Variants in SEMA3D observed in about 807,000 individuals in gnomAD.
The protein encoded by SEMA3D is semaphorin 3D, also known as semaphorin-3D.
A neutral mutation model predicts 100.1 loss-of-function variants in SEMA3D; 84 were observed. That is an observed-to-expected ratio of 0.84 (90% confidence interval 0.70 to 1.01). SEMA3D has a LOEUF of 1.01. Ranked by LOEUF, SEMA3D falls within the 50% of genes least tolerant of loss-of-function variation. SEMA3D has a pLI of 0.00. For missense variants in SEMA3D, 875 were observed against 934.1 expected, an observed-to-expected ratio of 0.94 and a Z score of 0.82; for synonymous variants, 312 against 320.7, an observed-to-expected ratio of 0.97 and a Z score of 0.29.
intron 6 of SEMA3D, among the ~76,000 whole-genome samples, chr7:85,068,790 G>A (rs1791695582): frequency 1.3e-5 from 2 of 152,026 alleles, no homozygotes; most frequent in African/African-American, 4.8e-5. Context: ...AGTGTTCTAA[G>A]GCGGGCAGTT....
In SEMA3D at chr7:85,028,365, C is replaced by T. The variant is rs937376726; in HGVS notation, c.1192-5752G>A. 2.0e-5 allele frequency: 10 copies of T among 508,324 alleles called. No individual in the cohort carries two copies. In the African/African-American group the frequency reaches 2.3e-4, roughly 12 times the overall value. The allele number at this position is 508,324 out of a possible 1,614,324, so 31.5% of individuals were successfully genotyped here. On this transcript the variant is annotated intron_variant, in intron 12 of 18. Transcript: ENST00000284136. ...ATTATCAATGTGCCAATTGTCGCTG[C>T]TATTGCTTACAGTTTAGACAAAAAA...
intron 7 of SEMA3D, among the ~76,000 whole-genome samples, chr7:85,065,909 C>A (rs1562803289): frequency 6.6e-6 from 1 of 151,988 alleles, no homozygotes; most frequent in African/African-American, 2.4e-5. Flanking sequence ...GAATAAGACA[C>A]AAAAAATATG....
intron 5 of SEMA3D, among the ~76,000 whole-genome samples, chr7:85,074,639 T>A (rs12540299): frequency 0.28 from 38,031 of 136,406 alleles, 5,415 homozygotes; most frequent in East Asian, 0.64. Context: ...ATATATATAT[T>A]TTTTTTTTTT....
At chr7:85,229,266 C>T in the SEMA3D span, among the ~76,000 whole-genome samples, 2 of 151,932 alleles carry the variant, frequency 1.3e-5, no homozygotes, top group African/African-American at 4.8e-5. Flanking sequence ...GTCTTAGATT[C>T]TGATATCATC....
At chr7:85,082,264 G>A (rs1037246698) in intron 4 of SEMA3D, among the ~76,000 whole-genome samples, 5 of 152,014 alleles carry the variant, frequency 3.3e-5, no homozygotes, top group Non-Finnish European at 7.4e-5. Flanking sequence ...CTCTTGAACT[G>A]GGGGGGTCTC....
chr7:85,029,703 C>T lies in SEMA3D; in HGVS notation c.1192-7090G>A, dbSNP rs1584535679. 9.0e-6 allele frequency: 3 copies of T among 333,430 alleles called. No individual in the cohort carries two copies. The East Asian group carries it at 2.2e-4, about 25-fold the overall frequency. The allele number at this position is 333,430 out of a possible 1,614,324, so 20.7% of individuals were successfully genotyped here. On this transcript the variant is annotated intron_variant, in intron 12 of 18. Transcript: ENST00000284136. ...ACTGAAGAGGTTGATTAAGACAACCCAACTATAGATGTAGCATTCTTCTAC... is the reference window on the plus strand; with the variant it reads ...ACTGAAGAGGTTGATTAAGACAACCTAACTATAGATGTAGCATTCTTCTAC...
chr7:85,130,687 T>A (rs921685254), intron 2 of SEMA3D, among the ~76,000 whole-genome samples: 2 of 152,200 alleles, frequency 1.3e-5, no homozygotes, highest in Non-Finnish European at 2.9e-5. Context: ...AAAAATAGCT[T>A]AAAACAAATA....
intron 1 of SEMA3D, among the ~76,000 whole-genome samples, chr7:85,182,897 A>T (rs1486154936): frequency 3.9e-5 from 6 of 152,206 alleles, no homozygotes; most frequent in Admixed American, 3.9e-4. Context: ...ACTTTTCAAA[A>T]CAAGCCTATG....
At chr7:85,096,337 G>A (rs908516039) in intron 4 of SEMA3D, among the ~76,000 whole-genome samples, 6 of 151,948 alleles carry the variant, frequency 3.9e-5, no homozygotes, top group Middle Eastern at 6.8e-3. Context: ...GATTAGAATG[G>A]AGGACAAACT....
the SEMA3D span, among the ~76,000 whole-genome samples, chr7:85,237,328 T>C: frequency 3.3e-5 from 5 of 152,286 alleles, no homozygotes; most frequent in African/African-American, 1.2e-4. Flanking sequence ...AGGATTTACT[T>C]GAGGTGGCGT....
At chr7:85,015,873 T>A (rs1351776868) in intron 15 of SEMA3D, among the ~76,000 whole-genome samples, 2 of 151,728 alleles carry the variant, frequency 1.3e-5, no homozygotes, top group East Asian at 3.9e-4. Context: ...ATACATTCTT[T>A]TGAGTATCTG....
At position 85,050,072 on chromosome 7, in the gene SEMA3D, A is replaced by AACACAC. The variant is rs55849524; in HGVS notation, c.861+5639_861+5644dup. Among the ~76,000 whole-genome samples, 800 of 137,008 alleles carry AACACAC rather than the reference A, an allele frequency of 5.8e-3. 3 individuals are homozygous for AACACAC. The highest frequency in any genetic ancestry group is 0.014 in the African/African-American group (531 of 36,708). 89.9% of individuals were successfully genotyped at this position (137,008 alleles called of 152,430 possible). On this transcript the variant is annotated intron_variant, in intron 9 of 18. Coordinates refer to ENST00000284136, the MANE Select transcript of SEMA3D (RefSeq NM_001384900.1). Reference sequence around the variant, plus strand: ...ACTTAAAAGGTGGGTCTTGAAGGGAAACACACACACACACACACACACACA... The same window carrying AACACAC: ...ACTTAAAAGGTGGGTCTTGAAGGGAAACACACACACACACACACACACACACACACA...
chr7:85,185,926 T>C (rs1377205245), intron 1 of SEMA3D, among the ~76,000 whole-genome samples: 1 of 152,136 alleles, frequency 6.6e-6, no homozygotes, highest in Admixed American at 6.5e-5. Flanking sequence ...CCAAGCCCAC[T>C]ACTACAAAGA....
At chr7:85,001,486 A>G (rs933060769) in intron 18 of SEMA3D, among the ~76,000 whole-genome samples, 2 of 152,212 alleles carry the variant, frequency 1.3e-5, no homozygotes. Context: ...TAAATGGCCA[A>G]TCTTAAACAT....
In SEMA3D at chr7:85,006,118, T is replaced by C. The variant is rs369004015; in HGVS notation, c.1908+684A>G. Among the ~76,000 whole-genome samples, 6 of 152,036 alleles carry C rather than the reference T, an allele frequency of 3.9e-5. No individual in the cohort carries two copies. The East Asian group carries it at 1.2e-3, about 29-fold the overall frequency. On this transcript the variant is annotated intron_variant, in intron 18 of 18. Coordinates refer to ENST00000284136, the MANE Select transcript of SEMA3D (RefSeq NM_001384900.1). ...CACTAATAGGGTATCTGTAATTTTA[T>C]ATGCATATTTTACAGTTGTAAGAGC...
the SEMA3D span, among the ~76,000 whole-genome samples, chr7:85,223,009 T>C: frequency 6.6e-6 from 1 of 151,990 alleles, no homozygotes; most frequent in Admixed American, 6.6e-5. Flanking sequence ...AATAGATGAT[T>C]CCCAAAAGAA....
intron 12 of SEMA3D, among the ~76,000 whole-genome samples, chr7:85,027,384 G>C (rs1267281595): frequency 6.6e-6 from 1 of 151,980 alleles, no homozygotes; most frequent in African/African-American, 2.4e-5. Flanking sequence ...CTACAGCAAA[G>C]AGAGGAAATT....
the SEMA3D span, among the ~76,000 whole-genome samples, chr7:85,225,733 G>A: frequency 6.6e-6 from 1 of 152,006 alleles, no homozygotes; most frequent in South Asian, 2.1e-4. Flanking sequence ...CACTGCTGTG[G>A]GGTCAGAGCC....
Position 85,006,856 on chromosome 7 carries a change from T to C in SEMA3D, c.1854A>G (p.Gln618=), listed in dbSNP as rs1789811321. 2 of 1,611,142 alleles carry C rather than the reference T, an allele frequency of 1.2e-6. No individual in the cohort carries two copies. Among genetic ancestry groups the C allele is most frequent in the Admixed American group, 1.7e-5 (1 of 59,838 alleles). Residue 618 remains glutamine, a synonymous_variant, in exon 18 of 19, where the codon CAA becomes CAG. Transcript: ENST00000284136. ...GGATATACCATTTAATAGTTGCTTG[T>C]TGGGATTTAGGTATACATTCCAGAA... ...STFLECIPKS[Q]QATIKWYIQR...
Sources: allele counts gnomAD v4.1 joint callset (sites outside exome capture counted in the v4.1 genomes callset), GRCh38; gene constraint gnomAD v4.1.1; transcripts MANE v1.5; gene names NCBI Gene and HGNC (gene_info 2026-07-23, HGNC 2026-07-21).